Variants in CHST9 observed in about 807,000 individuals in gnomAD.
CHST9 encodes the protein GalNAc-4-sulfotransferase 2.
A neutral mutation model predicts 44.4 loss-of-function variants in CHST9; 41 were observed. The observed-to-expected ratio is 0.92, with a 90% CI of 0.72 to 1.20. CHST9 has a LOEUF of 1.20. Ranked by LOEUF, CHST9 falls within the 50% of genes most tolerant of loss-of-function variation. The pLI, the probability that CHST9 is intolerant of heterozygous loss-of-function variation, is 0.00. For missense variants in CHST9, 504 were observed against 516.5 expected, an observed-to-expected ratio of 0.98 and a Z score of 0.23; for synonymous variants, 171 against 178.4, an observed-to-expected ratio of 0.96 and a Z score of 0.33.
rs1010251770 is a variant in CHST9 at position 26,916,668 on chromosome 18, G to A, written c.923C>T (p.Ala308Val). The stretch of plus-strand genomic sequence containing the variant: ...ATTTGGTCGATATTTCTTGATAATT[G>A]CCTTTCCGAATACTGGATGGTAATA... ...NSYYHPVFGK[A>V]IIKKYRPNAC... Residue 308 changes from alanine to valine, a missense_variant, in exon 6 of 6, where the codon GCA becomes GTA. By Grantham distance (64) the Ala-to-Val change is moderately conservative (BLOSUM62 0). Transcript: ENST00000618847. 6.2e-7 allele frequency: 1 copy of A among 1,613,712 alleles called. No individual in the cohort carries two copies. The highest frequency in any genetic ancestry group is 8.5e-7 in the Non-Finnish European group (1 of 1,179,788).
chr18:27,055,116 C>T (rs2057639610), intron 2 of CHST9, among the ~76,000 whole-genome samples: 1 of 152,030 alleles, frequency 6.6e-6, no homozygotes, highest in African/African-American at 2.4e-5. Flanking sequence ...TTAATCACAT[C>T]CTGTTGCTAG....
intron 1 of CHST9, among the ~76,000 whole-genome samples, chr18:27,159,257 C>A (rs1227486772): frequency 6.6e-6 from 1 of 152,174 alleles, no homozygotes; most frequent in Non-Finnish European, 1.5e-5. Context: ...ACATTTAAGT[C>A]TTTAATCCAT....
chr18:26,987,891 C>T (rs2145202614), intron 4 of CHST9, among the ~76,000 whole-genome samples: 1 of 152,262 alleles, frequency 6.6e-6, no homozygotes, highest in South Asian at 2.1e-4. Context: ...TGACCATGCT[C>T]AACCTGATAC....
chr18:27,132,276 C>T (rs1476870405), intron 2 of CHST9, among the ~76,000 whole-genome samples: 2 of 152,188 alleles, frequency 1.3e-5, no homozygotes, highest in African/African-American at 4.8e-5. Flanking sequence ...TTCTTCACAA[C>T]ATGTCAGCTA....
intron 4 of CHST9, among the ~76,000 whole-genome samples, chr18:26,995,990 A>G (rs1031969284): frequency 1.3e-5 from 2 of 152,220 alleles, no homozygotes; most frequent in East Asian, 3.8e-4. Context: ...GAAATTATAT[A>G]GTTAATATGA....
intron 4 of CHST9, among the ~76,000 whole-genome samples, chr18:27,002,046 TA>T (rs36071564): frequency 1.1e-3 from 162 of 143,366 alleles, no homozygotes; most frequent in Middle Eastern, 3.6e-3. Context: ...ATTGACAAAG[TA>T]AAAAAAAAAA....
intron 4 of CHST9, among the ~76,000 whole-genome samples, chr18:26,944,960 G>C (rs1185190605): frequency 6.6e-6 from 1 of 151,918 alleles, no homozygotes; most frequent in African/African-American, 2.4e-5. Context: ...GGCAACCAAG[G>C]GACATAAAAA....
intron 2 of CHST9, among the ~76,000 whole-genome samples, chr18:27,087,785 A>G (rs2058027182): frequency 6.6e-6 from 1 of 152,228 alleles, no homozygotes; most frequent in South Asian, 2.1e-4. Flanking sequence ...AAGCTAATGT[A>G]TACAACAGTC....
At chr18:27,009,192 G>A (rs569974610) in intron 4 of CHST9, among the ~76,000 whole-genome samples, 16 of 152,182 alleles carry the variant, frequency 1.1e-4, no homozygotes, top group Non-Finnish European at 1.5e-4. Context: ...GAAAAGGATC[G>A]TAGAGACAGT....
chr18:27,163,800 C>T (rs2058768404), intron 1 of CHST9, among the ~76,000 whole-genome samples: 1 of 152,142 alleles, frequency 6.6e-6, no homozygotes, highest in Non-Finnish European at 1.5e-5. Flanking sequence ...GGCTCACGCT[C>T]AGTGCACTGC....
At chr18:27,109,894 A>G (rs544270640) in intron 2 of CHST9, among the ~76,000 whole-genome samples, 2 of 152,094 alleles carry the variant, frequency 1.3e-5, no homozygotes, top group South Asian at 4.2e-4. Context: ...CGTGGAGAGA[A>G]GTTAGGCCTC....
rs80128043 is a variant in CHST9 at position 27,018,312 on chromosome 18, T to C, written c.202+5804A>G. ...AGAAAAATACTTGCTGATCAGCTTA[T>C]TAGAATATTATGTTCATGTAATTCT... On this transcript the variant is annotated intron_variant, in intron 4 of 5. Coordinates refer to ENST00000618847, the MANE Select transcript of CHST9 (RefSeq NM_031422.6). Among the ~76,000 whole-genome samples the C allele has an allele frequency of 3.2e-3, 491 of 152,362 alleles. 2 individuals are homozygous for C. Among genetic ancestry groups the C allele is most frequent in the African/African-American group, 0.012 (480 of 41,590 alleles).
chr18:26,916,057 C>A lies in CHST9; in HGVS notation c.*202G>T, dbSNP rs1197290125. ...CTCTTTTCCAAACATTTTAGAGCAA[C>A]TCAAGTTGTTTACATCTCCTGTAGG... On this transcript the variant is annotated 3_prime_UTR_variant, in exon 6 of 6. Transcript: ENST00000618847. The A allele has an allele frequency of 1.8e-5, 8 of 452,200 alleles. No individual in the cohort carries two copies. The highest frequency in any genetic ancestry group is 3.2e-5 in the Non-Finnish European group (8 of 252,098). 28.0% of individuals were successfully genotyped at this position (452,200 alleles called of 1,614,324 possible).
chr18:27,002,559 A>T (rs556287505), intron 4 of CHST9, among the ~76,000 whole-genome samples: 2 of 152,308 alleles, frequency 1.3e-5, no homozygotes, highest in African/African-American at 4.8e-5. Flanking sequence ...GATATTCAAC[A>T]CGTAATTGTG....
Position 27,137,664 on chromosome 18 carries a change from T to C in CHST9, c.121+5025A>G, listed in dbSNP as rs141907941. Among the ~76,000 whole-genome samples the C allele has an allele frequency of 3.4e-3, 520 of 152,240 alleles. 7 individuals carry two copies. The highest frequency in any genetic ancestry group is 0.012 in the African/African-American group (498 of 41,534). ...TGAAAAATTTTAAACATGGGAGTGA[T>C]ATAATCCAATTTGTATTTTTAAAAA... is the stretch of plus-strand genomic sequence containing the variant. On this transcript the variant is annotated intron_variant, in intron 2 of 5. Coordinates refer to ENST00000618847, the MANE Select transcript of CHST9 (RefSeq NM_031422.6).
chr18:26,972,973 C>T (rs555942686), intron 4 of CHST9, among the ~76,000 whole-genome samples: 2 of 152,336 alleles, frequency 1.3e-5, no homozygotes, highest in South Asian at 2.1e-4. Context: ...TTTACTGAAG[C>T]CAGCTACACT....
intron 2 of CHST9, among the ~76,000 whole-genome samples, chr18:27,066,934 T>A (rs73404824): frequency 0.074 from 11,322 of 152,238 alleles, 725 homozygotes; most frequent in African/African-American, 0.17. Context: ...TTATTTTTAA[T>A]AAGGCCTTAC....
chr18:27,053,520 CTCACTGCCA>C (rs1442526916), intron 2 of CHST9, among the ~76,000 whole-genome samples: 1 of 152,148 alleles, frequency 6.6e-6, no homozygotes, highest in Non-Finnish European at 1.5e-5. Flanking sequence ...CTTCTCCTTT[CTCACTGCCA>C]TCACCCTAGT....
At chr18:27,137,184 G>T (rs1182787721) in intron 2 of CHST9, among the ~76,000 whole-genome samples, 1 of 151,156 alleles carries the variant, frequency 6.6e-6, no homozygotes, top group Non-Finnish European at 1.5e-5. Flanking sequence ...AAGAAGGAGA[G>T]ATTGATTTAT....
Sources: gnomAD v4.1 joint callset for allele counts (sites outside exome capture counted in the v4.1 genomes callset) on GRCh38, gnomAD v4.1.1 for gene constraint, MANE v1.5 for transcripts, NCBI Gene and HGNC (gene_info 2026-07-23, HGNC 2026-07-21) for gene names.